Variants in WDHD1 observed in about 807,000 individuals in gnomAD.
WDHD1 encodes the protein WD repeat and HMG-box DNA binding protein 1, also known as WD repeat and HMG-box DNA-binding protein 1.
WDHD1 carries 111 observed loss-of-function variants against 135.4 expected under a neutral mutation model. The observed-to-expected ratio is 0.82, with a 90% CI of 0.70 to 0.96. The LOEUF is 0.96. WDHD1 is among the 40% of genes least tolerant of loss of function. The pLI, the probability that WDHD1 is intolerant of heterozygous loss-of-function variation, is 0.00. For synonymous variants in WDHD1, 434 were observed against 439.0 expected (o/e 0.99, Z 0.14); for missense variants, 1,351 against 1,336.3 (o/e 1.01, Z -0.17).
chr14:55,006,817 C>G (rs1272037996), intron 7 of WDHD1, among the ~76,000 whole-genome samples: 2 of 151,988 alleles, frequency 1.3e-5, no homozygotes, highest in Non-Finnish European at 2.9e-5. Context: ...TAAAGCATTT[C>G]AATACTAATT....
At position 54,987,287 on chromosome 14, in the gene WDHD1, C is replaced by T; in HGVS notation, c.1627G>A (p.Gly543Arg). The stretch of plus-strand genomic sequence containing the variant: ...GCACTAGTAGCGGCAGCAGCCCATC[C>T]TTGACCGAGACATATGGCTTCAATA... ...EDIEAICLGQ[G>R]WAAAATSALL... is the part of the protein sequence containing the mutation. The change falls in exon 14 of 26, where the codon GGA becomes AGA. Residue 543 changes from glycine to arginine, a missense_variant. Gly to Arg is a moderately radical substitution (Grantham distance 125, BLOSUM62 -2). Around this residue, in one of 2 missense-constraint regions of WDHD1, gnomAD observed 1,330 missense variants for 1,296.1 expected, o/e 1.03. Coordinates refer to ENST00000360586, the MANE Select transcript of WDHD1 (RefSeq NM_007086.4). 1 of 1,614,068 alleles carries T rather than the reference C, an allele frequency of 6.2e-7. No homozygotes were observed. The highest frequency in any genetic ancestry group is 8.5e-7 in the Non-Finnish European group (1 of 1,180,004).
At position 55,000,542 on chromosome 14, in the gene WDHD1, C is replaced by T; in HGVS notation, c.903G>A (p.Glu301=). Residue 301 remains glutamate (E), a synonymous_variant, in exon 10 of 26, where the codon GAG becomes GAA. Coordinates refer to ENST00000360586, the MANE Select transcript of WDHD1 (RefSeq NM_007086.4). ...TDAEGNLGLL[E]NVCDPSGKTS... is the part of the protein sequence containing the mutation. ...TCTTTCCACTGGGGTCACAAACATTCTCTAGAAGCCCTAGATTTCCTTCCG... is the reference window on the plus strand; with the variant it reads ...TCTTTCCACTGGGGTCACAAACATTTTCTAGAAGCCCTAGATTTCCTTCCG... 6.2e-7 allele frequency: 1 copy of T among 1,606,838 alleles called. No homozygotes were observed. The highest frequency in any genetic ancestry group is 8.5e-7 in the Non-Finnish European group (1 of 1,176,272).
At chr14:54,998,220 T>A (rs190676995) in intron 10 of WDHD1, among the ~76,000 whole-genome samples, 76 of 151,420 alleles carry the variant, frequency 5.0e-4, no homozygotes, top group Admixed American at 2.8e-3. Context: ...AAAAAAAAAA[T>A]TTTTAATGGA....
intron 3 of WDHD1, among the ~76,000 whole-genome samples, chr14:55,012,137 AT>A (rs1053638247): frequency 2.4e-4 from 37 of 152,254 alleles, no homozygotes; most frequent in African/African-American, 8.2e-4. Flanking sequence ...CAATTTTAAA[AT>A]TTGCATTTCT....
chr14:55,004,833 T>C (rs2042037516), intron 7 of WDHD1: 1 of 496,774 alleles, frequency 2.0e-6, no homozygotes, highest in Non-Finnish European at 4.0e-6. Flanking sequence ...TCAGTGGTTG[T>C]TCCTATGCAT....
intron 21 of WDHD1, among the ~76,000 whole-genome samples, chr14:54,961,756 C>A (rs2041255070): frequency 6.6e-6 from 1 of 152,004 alleles, no homozygotes; most frequent in Non-Finnish European, 1.5e-5. Flanking sequence ...TTTATGCTCC[C>A]CACCAAAAAA....
At chr14:55,015,729 C>T (rs1211864505) in intron 2 of WDHD1, among the ~76,000 whole-genome samples, 2 of 149,584 alleles carry the variant, frequency 1.3e-5, no homozygotes, top group African/African-American at 4.9e-5. Flanking sequence ...GACACAGTCT[C>T]ACTCTGTCGC....
chr14:55,010,489 T>A (rs1276707683), intron 3 of WDHD1, 29 bp from the exon 4 acceptor site: 1 of 1,510,762 alleles, frequency 6.6e-7, no homozygotes, highest in African/African-American at 1.4e-5. Context: ...TAAGAAACAT[T>A]AGCAAAACAA....
At chr14:54,987,093 G>C in intron 14 of WDHD1, 53 bp downstream of exon 14, 3 of 1,593,578 alleles carry the variant, frequency 1.9e-6, no homozygotes, top group Non-Finnish European at 2.6e-6. Flanking sequence ...CAGCAAAAAA[G>C]CTCAAGTAAT....
chr14:54,999,250 A>C (rs1189884920), intron 10 of WDHD1, among the ~76,000 whole-genome samples: 1 of 152,194 alleles, frequency 6.6e-6, no homozygotes, highest in Non-Finnish European at 1.5e-5. Flanking sequence ...CTTACCCAAG[A>C]CCACTCAACT....
intron 24 of WDHD1, 82 bp from the exon 25 acceptor site, chr14:54,944,552 A>T: frequency 7.4e-7 from 1 of 1,355,270 alleles, no homozygotes; most frequent in East Asian, 2.5e-5. Flanking sequence ...GTAATCAACC[A>T]TAAGTCTCTG....
intron 2 of WDHD1, among the ~76,000 whole-genome samples, chr14:55,014,897 C>G (rs2042234695): frequency 6.6e-6 from 1 of 151,740 alleles, no homozygotes; most frequent in Non-Finnish European, 1.5e-5. Context: ...AAGGGCAGTT[C>G]CAGAGAAAAC....
chr14:54,972,038 C>T (rs765061571), intron 16 of WDHD1, among the ~76,000 whole-genome samples: 6 of 150,892 alleles, frequency 4.0e-5, no homozygotes, highest in African/African-American at 7.3e-5. Flanking sequence ...TTTGGGAGGC[C>T]GAGGCGGGTG....
At chr14:55,017,182 T>C (rs1566745084) in intron 2 of WDHD1, among the ~76,000 whole-genome samples, 1 of 152,148 alleles carries the variant, frequency 6.6e-6, no homozygotes, top group African/African-American at 2.4e-5. Flanking sequence ...TTTACAGTAA[T>C]ACAAATACAA....
chr14:54,997,923 A>G (rs1337361464), intron 10 of WDHD1, among the ~76,000 whole-genome samples: 2 of 151,586 alleles, frequency 1.3e-5, no homozygotes, highest in Non-Finnish European at 2.9e-5. Flanking sequence ...AAAAAAAAAA[A>G]TGGGGAGGCC....
intron 24 of WDHD1, among the ~76,000 whole-genome samples, chr14:54,951,658 G>A (rs1344387596): frequency 6.6e-6 from 1 of 152,162 alleles, no homozygotes; most frequent in Non-Finnish European, 1.5e-5. Context: ...TATGAGGCCA[G>A]CATCATCCTG....
At chr14:54,944,769 G>A (rs1182998034) in intron 24 of WDHD1, among the ~76,000 whole-genome samples, 3 of 151,854 alleles carry the variant, frequency 2.0e-5, no homozygotes, top group African/African-American at 2.4e-5. Context: ...ACAGGCATGC[G>A]CCACCACACC....
rs2042090611 is a variant in WDHD1, at chr14:55,007,331, C to T, written c.549G>A (p.Val183=). 1.2e-6 allele frequency: 2 copies of T among 1,605,896 alleles called. No homozygotes were observed. Among genetic ancestry groups the T allele is most frequent in the East Asian group, 2.2e-5 (1 of 44,700 alleles). ...GTCTGCAGATTGATTTTGCATTTAT[C>T]ACATCGTTGCATTTTTGTAGCAGTG... ...SWPLLQKCND[V]INAKSICRLA... The change falls in exon 7 of 26, where the codon GTG becomes GTA. Residue 183 remains valine (V), a synonymous_variant. Coordinates refer to ENST00000360586, the MANE Select transcript of WDHD1 (RefSeq NM_007086.4).
chr14:54,983,573 T>C (rs2041651866), intron 15 of WDHD1, among the ~76,000 whole-genome samples: 1 of 152,018 alleles, frequency 6.6e-6, no homozygotes, highest in Non-Finnish European at 1.5e-5. Context: ...CTCAGAAGGC[T>C]GAAGCAGGAG....
Sources: gnomAD v4.1 joint callset for allele counts (sites outside exome capture counted in the v4.1 genomes callset) on GRCh38, gnomAD v4.1.1 for gene constraint, gnomAD v4.1.1 regional missense constraint, MANE v1.5 for transcripts, NCBI Gene and HGNC (gene_info 2026-07-23, HGNC 2026-07-21) for gene names.